The following DNAH5 variants were observed in gnomAD, a reference collection of about 807,000 sequenced individuals.
The protein encoded by DNAH5 is axonemal beta dynein heavy chain 5.
In DNAH5, 372 loss-of-function variants were observed where a neutral mutation model predicts 518.2. The observed-to-expected ratio is 0.72, with a 90% CI of 0.66 to 0.78. The LOEUF is 0.78. Ranked by LOEUF, DNAH5 falls within the 30% of genes least tolerant of loss-of-function variation. DNAH5 has a pLI of 0.00. For missense variants in DNAH5, 5,523 were observed against 5,687.0 expected (o/e 0.97, Z 0.93); for synonymous variants, 2,039 against 2,025.9 (o/e 1.01, Z -0.17).
chr5:13,898,730 G>C (rs555981164), intron 15 of DNAH5: 2 of 397,368 alleles, frequency 5.0e-6, no homozygotes. Flanking sequence ...TAAATGTAAA[G>C]TACAGTGCAA....
Position 13,766,147 on chromosome 5 carries a change from G to T in DNAH5, c.9930C>A (p.Arg3310=), listed in dbSNP as rs1393509929. The part of the protein sequence containing the change: ...TIRPSDIATV[R]TLGRPPHLIM... ...TGAGGTGAGGGGGGCGGCCCAACGT[G>T]CGAACAGTGGCGATGTCCGAAGGCC... The change falls in exon 59 of 79, where the codon CGC becomes CGA. Residue 3310 remains arginine (R), a synonymous_variant. Coordinates refer to ENST00000265104, the MANE Select transcript of DNAH5 (RefSeq NM_001369.3). 6.2e-7 allele frequency: 1 copy of T among 1,614,190 alleles called. No individual in the cohort carries two copies. Among genetic ancestry groups the T allele is most frequent in the South Asian group, 1.1e-5 (1 of 91,090 alleles).
At chr5:14,001,728 T>C (rs7704940) in intron 1 of DNAH5, among the ~76,000 whole-genome samples, 3,713 of 151,560 alleles carry the variant, frequency 0.024, 119 homozygotes, top group East Asian at 0.19. Context: ...GACTTTAGTT[T>C]GGTAAAATTT....
At chr5:13,917,119 A>C (rs759400444) in intron 8 of DNAH5, 24 bp downstream of exon 8, 2 of 1,557,352 alleles carry the variant, frequency 1.3e-6, no homozygotes, top group Admixed American at 1.7e-5. Context: ...CTATAGACTG[A>C]AAGAGTAGAA....
Position 13,769,106 on chromosome 5 carries a change from C to G in DNAH5, c.9751G>C (p.Ala3251Pro), listed in dbSNP as rs139293893. 5.8e-5 allele frequency: 94 copies of G among 1,614,180 alleles called. 1 individual carries two copies. In the Middle Eastern group the frequency reaches 1.2e-3, roughly 20 times the overall value. The change falls in exon 58 of 79, where the codon GCT becomes CCT. Residue 3251 changes from alanine to proline, a missense_variant. This residue lies in a region of DNAH5 where 5,121 missense variants were observed against 5,223.3 expected (regional missense o/e 0.98). Coordinates refer to ENST00000265104, the MANE Select transcript of DNAH5 (RefSeq NM_001369.3). ...VLKEVTMKAQ[A>P]AEKVKAEVQK... The stretch of plus-strand genomic sequence containing the variant: ...ACCTCAGCCTTGACCTTTTCAGCAG[C>G]CTGTGCTTTCATTGTCACTTCTTTT...
intron 1 of DNAH5, among the ~76,000 whole-genome samples, chr5:13,999,304 G>T (rs1784183193): frequency 6.6e-6 from 1 of 152,030 alleles, no homozygotes; most frequent in African/African-American, 2.4e-5. Context: ...AGATCTCTAG[G>T]GCTTACTCAT....
At chr5:13,797,704 G>A (rs1423111698) in intron 47 of DNAH5, among the ~76,000 whole-genome samples, 2 of 152,140 alleles carry the variant, frequency 1.3e-5, no homozygotes, top group African/African-American at 4.8e-5. Context: ...CCATTACTGG[G>A]CATATACCAA....
chr5:13,948,597 A>G (rs1436054806), upstream of DNAH5, among the ~76,000 whole-genome samples: 2 of 152,230 alleles, frequency 1.3e-5, no homozygotes, highest in Non-Finnish European at 1.5e-5. Context: ...GGAGACTGGA[A>G]TTCAACAGAG....
At position 13,708,351 on chromosome 5, in the gene DNAH5, T is replaced by G; in HGVS notation, c.13126-16A>C. 6.2e-7 allele frequency: 1 copy of G among 1,612,990 alleles called. No individual in the cohort carries two copies. Among genetic ancestry groups the G allele is most frequent in the Non-Finnish European group, 8.5e-7 (1 of 1,179,500 alleles). ...TCTCTTTTACCTGCCATGGAGACAT[T>G]CAAAGCACATGTTAACAATTAGCTA... On this transcript the variant is annotated splice_polypyrimidine_tract_variant and intron_variant, in intron 75 of 78. Transcript: ENST00000265104.
intron 50 of DNAH5, among the ~76,000 whole-genome samples, chr5:13,791,503 T>A (rs538938609): frequency 3.3e-5 from 5 of 152,306 alleles, no homozygotes; most frequent in South Asian, 2.1e-4. Flanking sequence ...TGTACGTAAA[T>A]CTTTTAGTGC....
chr5:13,799,208 C>CCA (rs1309519793), intron 47 of DNAH5, among the ~76,000 whole-genome samples: 2 of 132,294 alleles, frequency 1.5e-5, no homozygotes, highest in Admixed American at 1.6e-4. Context: ...AATTTCATAC[C>CCA]CCCCCCCACA....
At chr5:13,818,753 A>G (rs1055608773) in intron 41 of DNAH5, among the ~76,000 whole-genome samples, 3 of 152,232 alleles carry the variant, frequency 2.0e-5, no homozygotes, top group African/African-American at 7.2e-5. Flanking sequence ...ACAGAACCTG[A>G]CAGATCTTCA....
intron 1 of DNAH5, among the ~76,000 whole-genome samples, chr5:14,000,811 T>C (rs1784301133): frequency 6.6e-6 from 1 of 152,096 alleles, no homozygotes; most frequent in Admixed American, 6.6e-5. Context: ...CAAAGGAAAA[T>C]ACATCATTCT....
At chr5:13,973,819 C>T (rs767899269) in intron 1 of DNAH5, among the ~76,000 whole-genome samples, 2 of 151,970 alleles carry the variant, frequency 1.3e-5, no homozygotes, top group South Asian at 2.1e-4. Context: ...AGAACAACCA[C>T]GAAAGACTCT....
intron 22 of DNAH5, 81 bp downstream of exon 22, chr5:13,876,603 A>C: frequency 6.5e-7 from 1 of 1,545,032 alleles, no homozygotes; most frequent in Non-Finnish European, 8.8e-7. Flanking sequence ...GGCTACATAA[A>C]GGACAACTTT....
intron 78 of DNAH5, 145 bp from the exon 79 acceptor site, chr5:13,692,280 G>T: frequency 1.1e-6 from 1 of 898,256 alleles, no homozygotes. Context: ...CTGAGGTCAG[G>T]CAATTCCTAG....
At chr5:13,710,361 G>A (rs1743329496) in intron 75 of DNAH5, among the ~76,000 whole-genome samples, 1 of 152,078 alleles carries the variant, frequency 6.6e-6, no homozygotes, top group African/African-American at 2.4e-5. Flanking sequence ...ACTCAAATGA[G>A]AAGGAACCAG....
intron 30 of DNAH5, among the ~76,000 whole-genome samples, chr5:13,854,823 C>T (rs1011890650): frequency 6.6e-6 from 1 of 152,160 alleles, no homozygotes; most frequent in Non-Finnish European, 1.5e-5. Context: ...AGCTAACTAT[C>T]CTAAATGTAT....
chr5:13,790,583 T>C (rs1467896335), intron 50 of DNAH5, among the ~76,000 whole-genome samples: 1 of 152,204 alleles, frequency 6.6e-6, no homozygotes, highest in Non-Finnish European at 1.5e-5. Flanking sequence ...CATGGTGTTC[T>C]CCTGATAGTG....
intron 47 of DNAH5, among the ~76,000 whole-genome samples, chr5:13,803,331 C>G (rs1005702567): frequency 6.6e-6 from 1 of 152,008 alleles, no homozygotes; most frequent in African/African-American, 2.4e-5. Flanking sequence ...TTAAAATGCT[C>G]AATAGTACAT....
Sources: allele counts gnomAD v4.1 joint callset (sites outside exome capture counted in the v4.1 genomes callset), GRCh38; gene constraint gnomAD v4.1.1; regional missense constraint gnomAD v4.1.1; transcripts MANE v1.5; gene names NCBI Gene and HGNC (gene_info 2026-07-23, HGNC 2026-07-21).